The following PAXIP1 variants were observed in gnomAD, a reference collection of about 807,000 sequenced individuals.
PAXIP1 encodes PAX interacting protein 1.
PAXIP1 carries 19 observed loss-of-function variants against 140.6 expected under a neutral mutation model. The observed-to-expected ratio is 0.14, with a 90% CI of 0.09 to 0.20. PAXIP1 has a LOEUF of 0.20. Ranked by LOEUF, PAXIP1 falls within the 10% of genes least tolerant of loss-of-function variation. The pLI is 1.00. For missense variants in PAXIP1, 920 were observed against 1,208.6 expected, an observed-to-expected ratio of 0.76 and a Z score of 3.54; for synonymous variants, 442 against 444.6, an observed-to-expected ratio of 0.99 and a Z score of 0.07.
At chr7:154,988,861 A>G (rs935106205) in intron 4 of PAXIP1, among the ~76,000 whole-genome samples, 6 of 152,250 alleles carry the variant, frequency 3.9e-5, no homozygotes, top group Non-Finnish European at 5.9e-5. Flanking sequence ...GTGTTTATAC[A>G]TAAGTAGTAA....
chr7:155,002,880 T>G lies in PAXIP1; in HGVS notation c.50A>C (p.Lys17Thr). 7.1e-7 allele frequency: 1 copy of G among 1,416,328 alleles called. No individual in the cohort carries two copies. Among genetic ancestry groups the G allele is most frequent in the Non-Finnish European group, 9.4e-7 (1 of 1,064,756 alleles). The allele number at this position is 1,416,328 out of a possible 1,614,324, so 87.7% of individuals were successfully genotyped here. ...KVPEEMFREVKYYAVGDIDPQ... is the reference protein window; with the variant it reads ...KVPEEMFREVTYYAVGDIDPQ... ...GTCGATGTCGCCCACCGCGTAATACTTGACCTCCCTGAACATCTCCTCAGG... is the reference window on the plus strand; with the variant it reads ...GTCGATGTCGCCCACCGCGTAATACGTGACCTCCCTGAACATCTCCTCAGG... The change falls in exon 1 of 21, where the codon AAG becomes ACG. Residue 17 changes from lysine (K) to threonine (T), a missense_variant. Around this residue, in one of 5 missense-constraint regions of PAXIP1, gnomAD observed 419 missense variants for 514.7 expected, o/e 0.81. Transcript: ENST00000404141.
intron 20 of PAXIP1, chr7:154,944,406 C>T (rs769620249): frequency 3.0e-5 from 12 of 394,176 alleles, no homozygotes; most frequent in Non-Finnish European, 5.6e-5. Context: ...AAGGTATCCA[C>T]CATGCGGCCA....
chr7:154,998,492 A>T (rs928906067), intron 2 of PAXIP1, among the ~76,000 whole-genome samples, 158 bp downstream of exon 2: 2 of 152,198 alleles, frequency 1.3e-5, no homozygotes, highest in African/African-American at 4.8e-5. Flanking sequence ...TGGGCAACAG[A>T]GCGAGATTCC....
chr7:154,959,748 G>A, intron 13 of PAXIP1, 142 bp downstream of exon 13: 1 of 629,872 alleles, frequency 1.6e-6, no homozygotes, highest in Non-Finnish European at 2.8e-6. Flanking sequence ...TGAAAAATCA[G>A]TCCTAGGATT....
chr7:155,002,691 G>A (rs1014535290), intron 1 of PAXIP1, among the ~76,000 whole-genome samples, 158 bp downstream of exon 1: 59 of 150,512 alleles, frequency 3.9e-4, no homozygotes, highest in African/African-American at 1.3e-3. Context: ...CCACCCCGCG[G>A]TCGCCCCTGC....
At position 154,997,175 on chromosome 7, in the gene PAXIP1, TC is replaced by T. The variant is rs1416882876; in HGVS notation, c.216+1474del. On this transcript the variant is annotated intron_variant, in intron 2 of 20. Transcript: ENST00000404141. ...CCTGGGTACCAGGGAGGTCACCACT[TC>T]CCAGCAGCCAGGTGGCTTCTCTGGC... Among the ~76,000 whole-genome samples the T allele has an allele frequency of 3.9e-5, 6 of 152,306 alleles. No individual in the cohort carries two copies. The East Asian group carries it at 1.2e-3, about 29-fold the overall frequency.
At chr7:154,990,789 TTATTTA>T (rs1810295757) in intron 4 of PAXIP1, among the ~76,000 whole-genome samples, 1 of 152,224 alleles carries the variant, frequency 6.6e-6, no homozygotes, top group Admixed American at 6.5e-5. Context: ...TAAATCTTTT[TTATTTA>T]TAAAGACCAT....
Position 154,954,182 on chromosome 7 carries a change from GAA to G in PAXIP1, c.2821+71_2821+72del, listed in dbSNP as rs967019752. 62 of 1,021,686 alleles carry G rather than the reference GAA, an allele frequency of 6.1e-5. No individual in the cohort carries two copies. Among genetic ancestry groups the G allele is most frequent in the Middle Eastern group, 2.3e-4 (1 of 4,410 alleles). 63.3% of individuals were successfully genotyped at this position (1,021,686 alleles called of 1,614,324 possible). A position where few individuals can be genotyped will look rare whatever the true frequency, so the allele number is the denominator to read the frequency against. On this transcript the variant is annotated intron_variant, in intron 16 of 20. Transcript: ENST00000404141. The surrounding 1 kb of genome is among the most constrained non-coding windows in gnomAD (Gnocchi z 5.1). ...TTAAAAATTAAATATTTGTTGGGAT[GAA>G]AAGAGATGAATTCAAGAAAAAAAAA...
chr7:154,962,567 A>G (rs1808801799), intron 9 of PAXIP1, 109 bp from the exon 10 acceptor site: 10 of 931,320 alleles, frequency 1.1e-5, no homozygotes, highest in Non-Finnish European at 1.4e-5. Context: ...AAGCCCCATA[A>G]AAGAATTTCA....
At position 154,993,711 on chromosome 7, in the gene PAXIP1, C is replaced by G. The variant is rs1384963120; in HGVS notation, c.260+15G>C. ...GTTACCCTTTCCCTCCTCCCCCACT[C>G]AAAAAAAAGGATACGGCAGAAGAGT... On this transcript the variant is annotated intron_variant, in intron 3 of 20. Coordinates refer to ENST00000404141, the MANE Select transcript of PAXIP1 (RefSeq NM_007349.4). 1 of 1,574,844 alleles carries G rather than the reference C, an allele frequency of 6.3e-7. No individual in the cohort carries two copies. The highest frequency in any genetic ancestry group is 1.4e-5 in the African/African-American group (1 of 73,516).
chr7:154,960,024 A>G, intron 12 of PAXIP1, 91 bp from the exon 13 acceptor site: 1 of 811,754 alleles, frequency 1.2e-6, no homozygotes, highest in South Asian at 1.4e-5. Context: ...AATCCTCACC[A>G]GACAGGTGGT....
Position 154,998,766 on chromosome 7 carries a change from C to T in PAXIP1, c.100G>A (p.Ala34Thr), listed in dbSNP as rs1256018316. 5 of 1,611,876 alleles carry T rather than the reference C, an allele frequency of 3.1e-6. No homozygotes were observed. The highest frequency in any genetic ancestry group is 4.2e-6 in the Non-Finnish European group (5 of 1,178,818). ...TAGGAAACTTCCTTCGCTTTTCCAG[C>T]CTTGAGAAGCTGAATAACCTAAAAA... ...IDPQVIQLLK[A>T]GKAKEVSYNA... The change falls in exon 2 of 21, where the codon GCT becomes ACT. Residue 34 changes from alanine to threonine, a missense_variant. By Grantham distance (58) the Ala-to-Thr change is moderately conservative (BLOSUM62 0). Around this residue, in one of 5 missense-constraint regions of PAXIP1, gnomAD observed 419 missense variants for 514.7 expected, o/e 0.81. Coordinates refer to ENST00000404141, the MANE Select transcript of PAXIP1 (RefSeq NM_007349.4).
In PAXIP1 at chr7:154,959,373, G is replaced by C. The variant is rs538654643; in HGVS notation, c.2478+517C>G. ...CTGATGTTCAGTCGAACAGTGAGAA[G>C]TCACAGCAGACAAAGTCTAAACTGA... is the stretch of plus-strand genomic sequence containing the variant. On this transcript the variant is annotated intron_variant, in intron 13 of 20. Coordinates refer to ENST00000404141, the MANE Select transcript of PAXIP1 (RefSeq NM_007349.4). Among the ~76,000 whole-genome samples, 13 of 152,346 alleles carry C rather than the reference G, an allele frequency of 8.5e-5. No individual in the cohort carries two copies. The East Asian group carries it at 2.5e-3, about 29-fold the overall frequency.
chr7:154,990,604 T>A (rs2150781457), intron 4 of PAXIP1, among the ~76,000 whole-genome samples: 1 of 152,370 alleles, frequency 6.6e-6, no homozygotes. Flanking sequence ...TTATTAGTAA[T>A]TCCTCTTTAT....
chr7:154,976,107 G>A lies in PAXIP1; in HGVS notation c.663C>T (p.Ala221=), dbSNP rs1012517575. ...CTGAAGGAGACCCTTCTTGAGAGCT[G>A]GCAGGGCTTGACTTCTCATCTGTAC... ...EGSTDEKSSP[A]SSQEGSPSGD... The change falls in exon 6 of 21, where the codon GCC becomes GCT. Residue 221 remains alanine (A), a synonymous_variant. Coordinates refer to ENST00000404141, the MANE Select transcript of PAXIP1 (RefSeq NM_007349.4). 1.9e-6 allele frequency: 3 copies of A among 1,571,238 alleles called. No homozygotes were observed. The highest frequency in any genetic ancestry group is 2.7e-5 in the African/African-American group (2 of 73,996).
Position 154,946,938 on chromosome 7 carries a change from T to C in PAXIP1, c.2923-125A>G. ...TTCAAATTTTATGACATTATGAAGGTACTATTCTCCTACTAGCACTCAATC... is the reference window on the plus strand; with the variant it reads ...TTCAAATTTTATGACATTATGAAGGCACTATTCTCCTACTAGCACTCAATC... On this transcript the variant is annotated intron_variant, in intron 17 of 20. Transcript: ENST00000404141. This position sits in a 1 kb window ranked among gnomAD's most constrained non-coding sequence, Gnocchi z 4.9. 1 of 666,000 alleles carries C rather than the reference T, an allele frequency of 1.5e-6. No individual in the cohort carries two copies. Among genetic ancestry groups the C allele is most frequent in the East Asian group, 2.8e-5 (1 of 36,166 alleles). 41.3% of individuals were successfully genotyped at this position (666,000 alleles called of 1,614,324 possible). A position where few individuals can be genotyped will look rare whatever the true frequency, so the allele number is the denominator to read the frequency against.
chr7:155,001,948 ACT>A (rs966453541), intron 1 of PAXIP1: 1 of 152,238 alleles, frequency 6.6e-6, no homozygotes, highest in Non-Finnish European at 1.5e-5. Context: ...TCCAGGCCTA[ACT>A]CTGATCACTG....
At chr7:154,969,341 C>T (rs1266645566) in intron 6 of PAXIP1, among the ~76,000 whole-genome samples, 1 of 152,196 alleles carries the variant, frequency 6.6e-6, no homozygotes, top group African/African-American at 2.4e-5. Context: ...ATTGAGACCA[C>T]CAAAATTTGA....
chr7:154,985,174 G>C (rs1441663903), intron 4 of PAXIP1, among the ~76,000 whole-genome samples: 2 of 152,174 alleles, frequency 1.3e-5, no homozygotes, highest in East Asian at 3.8e-4. Flanking sequence ...TTACTTAGTG[G>C]TGATAGGATT....
Sources: gnomAD v4.1 joint callset for allele counts (sites outside exome capture counted in the v4.1 genomes callset) on GRCh38, gnomAD v4.1.1 for gene constraint, gnomAD v4.1.1 regional missense constraint, Gnocchi (gnomAD v3.1) non-coding constraint, MANE v1.5 for transcripts, NCBI Gene and HGNC (gene_info 2026-07-23, HGNC 2026-07-21) for gene names.